B3GAT2: variants seen among roughly 807,000 people sequenced by gnomAD.
The protein encoded by B3GAT2 is beta-1,3-glucuronyltransferase 2, also known as galactosylgalactosylxylosylprotein 3-beta-glucuronosyltransferase 2.
B3GAT2 carries 26 observed loss-of-function variants against 27.8 expected under a neutral mutation model. That is an observed-to-expected ratio of 0.93 (90% CI 0.68 to 1.30). The LOEUF (loss-of-function observed/expected upper bound fraction) is 1.30, where lower values mean the gene tolerates loss of function less well. B3GAT2 is among the 50% of genes most tolerant of loss of function. B3GAT2 has a pLI of 0.00. For missense variants in B3GAT2, 458 were observed against 459.0 expected (o/e 1.00, Z 0.02); for synonymous variants, 218 against 195.1 (o/e 1.12, Z -0.98).
At chr6:70,926,282 A>G (rs1011121755) in intron 1 of B3GAT2, among the ~76,000 whole-genome samples, 6 of 152,230 alleles carry the variant, frequency 3.9e-5, no homozygotes, top group Non-Finnish European at 7.3e-5. Context: ...AAAGGATCGC[A>G]GCTCCTCGCC....
rs759372604 is a variant in B3GAT2, at chr6:70,861,705, G to A, written c.930C>T (p.Asn310=). Residue 310 remains asparagine (N), a synonymous_variant, in exon 4 of 4, where the codon AAC becomes AAT. Transcript: ENST00000230053. ...HTRTEKVNLA[N]EPKYHLDTVK... is the part of the protein sequence containing the mutation. Reference sequence around the variant, plus strand: ...CTGTGTCCAGGTGGTACTTTGGCTCGTTGGCTAGATTAACCTTCTCTGTCC... The same window carrying A: ...CTGTGTCCAGGTGGTACTTTGGCTCATTGGCTAGATTAACCTTCTCTGTCC... 1.9e-5 allele frequency: 30 copies of A among 1,613,992 alleles called. No homozygotes were observed. Among genetic ancestry groups the A allele is most frequent in the Admixed American group, 3.3e-5 (2 of 60,002 alleles).
chr6:70,889,883 G>A (rs1312666189), intron 2 of B3GAT2, among the ~76,000 whole-genome samples: 6 of 151,576 alleles, frequency 4.0e-5, no homozygotes, highest in South Asian at 2.1e-4. Context: ...CCTGGTTCAA[G>A]TGATTCTCAT....
At chr6:70,945,090 G>A (rs1765457375) in intron 1 of B3GAT2, among the ~76,000 whole-genome samples, 1 of 152,050 alleles carries the variant, frequency 6.6e-6, no homozygotes, top group Non-Finnish European at 1.5e-5. Context: ...CATCATCAAA[G>A]ACCAAAAGTA....
chr6:70,899,397 T>C (rs1772454124), intron 1 of B3GAT2, among the ~76,000 whole-genome samples: 2 of 152,152 alleles, frequency 1.3e-5, no homozygotes, highest in East Asian at 1.9e-4. Flanking sequence ...TGCTAGAAAA[T>C]GTAGGTTTTG....
chr6:70,925,486 C>A (rs1460451278), intron 1 of B3GAT2, among the ~76,000 whole-genome samples: 2 of 152,246 alleles, frequency 1.3e-5, no homozygotes. Flanking sequence ...AAACGGCACA[C>A]CAGGAGATTA....
intron 2 of B3GAT2, among the ~76,000 whole-genome samples, chr6:70,887,869 C>A (rs1426543460): frequency 6.6e-6 from 1 of 152,046 alleles, no homozygotes; most frequent in Non-Finnish European, 1.5e-5. Context: ...GTAGAATGTG[C>A]TGGAGGAAGT....
chr6:70,956,434 C>T lies in B3GAT2; in HGVS notation c.-5G>A, dbSNP rs778009460. 6.4e-7 allele frequency: 1 copy of T among 1,551,036 alleles called. No homozygotes were observed. ...GGTGAAAAGCGCGGACTTCATGGTG[C>T]ACGCTCCCTGGCCTCTCGGACACCC... On this transcript the variant is annotated 5_prime_UTR_variant, in exon 1 of 4. Coordinates refer to ENST00000230053, the MANE Select transcript of B3GAT2 (RefSeq NM_080742.3).
chr6:70,923,687 CCTG>C (rs977243302), intron 1 of B3GAT2, among the ~76,000 whole-genome samples: 1 of 152,024 alleles, frequency 6.6e-6, no homozygotes, highest in Non-Finnish European at 1.5e-5. Flanking sequence ...ATAATAAAAC[CCTG>C]CTTAGAAACA....
chr6:70,859,937 C>G lies in B3GAT2; in HGVS notation c.*1726G>C, dbSNP rs1391464008. 6.1e-6 allele frequency: 2 copies of G among 330,106 alleles called. No homozygotes were observed. The highest frequency in any genetic ancestry group is 5.5e-6 in the Non-Finnish European group (1 of 182,014). The allele number at this position is 330,106 out of a possible 1,614,324, so 20.4% of individuals were successfully genotyped here. ...GGTGAAAGTTAGTTAGAGTAGCGGA[C>G]TCATTAAAATCCCAAGATTGCTTTG... is the stretch of plus-strand genomic sequence containing the variant. On this transcript the variant is annotated 3_prime_UTR_variant, in exon 4 of 4. Transcript: ENST00000230053.
intron 1 of B3GAT2, among the ~76,000 whole-genome samples, chr6:70,914,171 T>A (rs1187806131): frequency 6.6e-6 from 1 of 152,198 alleles, no homozygotes; most frequent in Non-Finnish European, 1.5e-5. Context: ...CAAGGGTACA[T>A]GTGCACAACA....
chr6:70,938,736 C>T (rs1220273246), intron 1 of B3GAT2, among the ~76,000 whole-genome samples: 1 of 151,960 alleles, frequency 6.6e-6, no homozygotes, highest in Non-Finnish European at 1.5e-5. Context: ...TTCCTTACAC[C>T]TTATACAAAA....
chr6:70,936,600 C>T (rs995852516), intron 1 of B3GAT2, among the ~76,000 whole-genome samples: 73 of 152,198 alleles, frequency 4.8e-4, no homozygotes, highest in Admixed American at 1.4e-3. Flanking sequence ...TTAAGAAACT[C>T]ACTCAAAACC....
intron 1 of B3GAT2, among the ~76,000 whole-genome samples, chr6:70,898,052 C>T (rs1395420894): frequency 6.6e-6 from 1 of 152,168 alleles, no homozygotes; most frequent in Non-Finnish European, 1.5e-5. Flanking sequence ...AGTATTACTC[C>T]TCCAACTTTA....
chr6:70,873,231 G>T (rs1431523600), intron 2 of B3GAT2, among the ~76,000 whole-genome samples: 1 of 147,426 alleles, frequency 6.8e-6, no homozygotes, highest in Non-Finnish European at 1.5e-5. Context: ...AGTATTTCTT[G>T]TAGGGCACAT....
intron 1 of B3GAT2, among the ~76,000 whole-genome samples, chr6:70,898,732 T>C (rs1772436318): frequency 6.6e-6 from 1 of 152,222 alleles, no homozygotes; most frequent in African/African-American, 2.4e-5. Context: ...TGTATAAGAT[T>C]GTGCCCTGCA....
chr6:70,950,724 C>T (rs1765566748), intron 1 of B3GAT2, among the ~76,000 whole-genome samples: 1 of 152,174 alleles, frequency 6.6e-6, no homozygotes, highest in African/African-American at 2.4e-5. Context: ...GCGTCCATAA[C>T]TAAATATTAG....
At chr6:70,869,568 C>T (rs183869227) in intron 2 of B3GAT2, among the ~76,000 whole-genome samples, 53 of 152,270 alleles carry the variant, frequency 3.5e-4, no homozygotes, top group African/African-American at 1.2e-3. Flanking sequence ...CATATCTTTC[C>T]ACTTATTTAG....
chr6:70,898,681 G>A (rs1435089370), intron 1 of B3GAT2, among the ~76,000 whole-genome samples: 2 of 152,164 alleles, frequency 1.3e-5, no homozygotes, highest in African/African-American at 4.8e-5. Flanking sequence ...TGAAAAACTG[G>A]TGGGCAGACC....
chr6:70,949,625 C>T (rs12211800), intron 1 of B3GAT2, among the ~76,000 whole-genome samples: 93,681 of 138,586 alleles, frequency 0.68, 30,739 homozygotes, highest in Middle Eastern at 0.74. Context: ...ACTAGTTCAA[C>T]CATTGTGGAA....
Sources: gnomAD v4.1 joint callset for allele counts (sites outside exome capture counted in the v4.1 genomes callset) on GRCh38, gnomAD v4.1.1 for gene constraint, MANE v1.5 for transcripts, NCBI Gene and HGNC (gene_info 2026-07-23, HGNC 2026-07-21) for gene names.